BCAS4: variants seen among roughly 807,000 people sequenced by gnomAD.
BCAS4 encodes the protein breast carcinoma amplified sequence 4.
Under a neutral mutation model 15.7 loss-of-function variants are expected in BCAS4, and 9 were observed. The ratio of observed to expected loss-of-function variants is 0.57; its 90% confidence interval spans 0.34 to 1.00. The LOEUF is 1.00. Ranked by LOEUF, BCAS4 falls within the 50% of genes least tolerant of loss-of-function variation. The probability of loss-of-function intolerance (pLI) is 0.02; values close to 1 mark genes in which losing one functional copy is unlikely to be tolerated. For missense variants in BCAS4, 225 were observed against 239.1 expected (o/e 0.94, Z 0.39); for synonymous variants, 101 against 99.5 (o/e 1.02, Z -0.09).
intron 2 of BCAS4, among the ~76,000 whole-genome samples, chr20:50,825,994 T>C (rs2088273715): frequency 6.6e-6 from 1 of 152,226 alleles, no homozygotes; most frequent in African/African-American, 2.4e-5. Context: ...GTCTCCTTTC[T>C]ACCACTTTCT....
chr20:50,854,207 G>C (rs529284722), intron 4 of BCAS4, among the ~76,000 whole-genome samples: 121 of 152,250 alleles, frequency 7.9e-4, no homozygotes, highest in Non-Finnish European at 1.5e-3. Context: ...GTATCTTGGT[G>C]GTGCTGCTGG....
At position 50,819,054 on chromosome 20, in the gene BCAS4, G is replaced by C. The variant is rs537070877; in HGVS notation, c.162+772G>C. On this transcript the variant is annotated intron_variant, in intron 2 of 4. Coordinates refer to ENST00000371608, the MANE Select transcript of BCAS4 (RefSeq NM_198799.4). ...AAAAATTAGCCGGGTGTGGTGGCAG[G>C]CGCCTGTAATCTTAGCTACTCAGGA... Among the ~76,000 whole-genome samples the C allele has an allele frequency of 2.4e-4, 36 of 152,232 alleles. No homozygotes were observed. In the East Asian group the frequency reaches 4.4e-3, roughly 19 times the overall value.
At chr20:50,870,986 C>T (rs1282710394) in intron 4 of BCAS4, among the ~76,000 whole-genome samples, 1 of 152,014 alleles carries the variant, frequency 6.6e-6, no homozygotes, top group Non-Finnish European at 1.5e-5. Flanking sequence ...GCCTGCGGCC[C>T]GGGAGGAGGG....
chr20:50,857,991 T>G (rs1978854790), intron 4 of BCAS4, among the ~76,000 whole-genome samples: 1 of 151,914 alleles, frequency 6.6e-6, no homozygotes, highest in Admixed American at 6.6e-5. Flanking sequence ...TCCATGCCCA[T>G]CCCGTCCCCA....
In BCAS4 at chr20:50,795,149, C is replaced by T. The variant is rs2087837450; in HGVS notation, c.66C>T (p.Phe22=). 6.8e-7 allele frequency: 1 copy of T among 1,464,902 alleles called. No individual in the cohort carries two copies. The highest frequency in any genetic ancestry group is 2.9e-5 in the East Asian group (1 of 34,988). The allele number at this position is 1,464,902 out of a possible 1,614,324, so 90.7% of individuals were successfully genotyped here. A position where few individuals can be genotyped will look rare whatever the true frequency, so the allele number is the denominator to read the frequency against. Residue 22 remains phenylalanine, a synonymous_variant, in exon 1 of 5, where the codon TTC becomes TTT. Coordinates refer to ENST00000371608, the MANE Select transcript of BCAS4 (RefSeq NM_198799.4). ...MRSGARELAL[F]LTPEPGAEAK... ...GCGGGGCGCGCGAGCTCGCGCTCTT[C>T]CTGACCCCCGAGCCTGGGGCCGAGG...
intron 1 of BCAS4, among the ~76,000 whole-genome samples, chr20:50,799,362 T>C (rs137964729): frequency 6.6e-6 from 1 of 152,240 alleles, no homozygotes; most frequent in Non-Finnish European, 1.5e-5. Flanking sequence ...TGAAAGCACT[T>C]GTTGAAGTTT....
chr20:50,837,983 C>CAT (rs2088430515), intron 3 of BCAS4, among the ~76,000 whole-genome samples: 1 of 145,026 alleles, frequency 6.9e-6, no homozygotes, highest in Admixed American at 6.8e-5. Context: ...CACACACACA[C>CAT]GCACACATCT....
intron 2 of BCAS4, among the ~76,000 whole-genome samples, chr20:50,820,987 G>C (rs1172889901): frequency 6.6e-6 from 1 of 152,176 alleles, no homozygotes; most frequent in East Asian, 1.9e-4. Context: ...GAAAAGCAAA[G>C]ATCTGGCCCT....
intron 4 of BCAS4, among the ~76,000 whole-genome samples, chr20:50,869,884 G>A (rs1979548134): frequency 6.6e-6 from 1 of 151,760 alleles, no homozygotes; most frequent in Admixed American, 6.6e-5. Flanking sequence ...AAGTAGCTGG[G>A]ATTACAGGCA....
chr20:50,796,431 TTTTTTC>T (rs1178369864), intron 1 of BCAS4, among the ~76,000 whole-genome samples: 7 of 136,982 alleles, frequency 5.1e-5, no homozygotes, highest in African/African-American at 1.1e-4. Flanking sequence ...GAGTTTTCTC[TTTTTTC>T]TTTTTCTTTT....
chr20:50,812,340 A>G (rs1192862425), intron 1 of BCAS4, among the ~76,000 whole-genome samples: 3 of 151,394 alleles, frequency 2.0e-5, no homozygotes, highest in East Asian at 1.9e-4. Flanking sequence ...TCACCGTGTT[A>G]GCCAGGATGG....
chr20:50,841,846 C>T lies in BCAS4; in HGVS notation c.345C>T (p.Phe115=). 1.2e-6 allele frequency: 2 copies of T among 1,612,060 alleles called. No individual in the cohort carries two copies. Among genetic ancestry groups the T allele is most frequent in the Non-Finnish European group, 1.7e-6 (2 of 1,179,008 alleles). ...AGGCTGAGCGGGACCATGGGGCCTT[C>T]CCTCAGGCCCTGCGGAGGTGGCTGG... The part of the protein sequence containing the change: ...VLQAERDHGA[F]PQALRRWLGS... Residue 115 remains phenylalanine, a synonymous_variant, in exon 4 of 5, where the codon TTC becomes TTT. Transcript: ENST00000371608.
intron 4 of BCAS4, among the ~76,000 whole-genome samples, chr20:50,874,565 GGGAT>G (rs1367545089): frequency 4.7e-4 from 71 of 152,318 alleles, no homozygotes; most frequent in African/African-American, 1.6e-3. Context: ...CATGAGGGCT[GGGAT>G]GGTTGTCTTG....
chr20:50,798,320 A>C (rs186586322), intron 1 of BCAS4, among the ~76,000 whole-genome samples: 50 of 152,140 alleles, frequency 3.3e-4, no homozygotes, highest in East Asian at 2.3e-3. Flanking sequence ...AACAAAAAAA[A>C]CCCAAAAGAA....
At chr20:50,821,365 G>GCTTA (rs1207655791) in intron 2 of BCAS4, among the ~76,000 whole-genome samples, 2 of 152,236 alleles carry the variant, frequency 1.3e-5, no homozygotes, top group Non-Finnish European at 2.9e-5. Flanking sequence ...GGGTGTTTGA[G>GCTTA]CTTACAGCCC....
intron 3 of BCAS4, among the ~76,000 whole-genome samples, chr20:50,834,586 C>T (rs1396841450): frequency 1.3e-5 from 2 of 152,162 alleles, no homozygotes; most frequent in Non-Finnish European, 1.5e-5. Flanking sequence ...TGAGCCACCA[C>T]GTCCAGCAGA....
intron 3 of BCAS4, among the ~76,000 whole-genome samples, chr20:50,833,222 T>C (rs892272587): frequency 1.3e-5 from 2 of 152,078 alleles, no homozygotes; most frequent in African/African-American, 2.4e-5. Context: ...AAGCCAGGTA[T>C]TGGGGGCAAA....
At chr20:50,803,223 C>T (rs2087949419) in intron 1 of BCAS4, among the ~76,000 whole-genome samples, 1 of 152,178 alleles carries the variant, frequency 6.6e-6, no homozygotes, top group Non-Finnish European at 1.5e-5. Flanking sequence ...AGCCCAGTGC[C>T]CATCAGTGCG....
chr20:50,876,252 G>T (rs1283360413), intron 4 of BCAS4, among the ~76,000 whole-genome samples: 1 of 152,196 alleles, frequency 6.6e-6, no homozygotes, highest in Admixed American at 6.5e-5. Flanking sequence ...CGCCTGGGCT[G>T]CCTGGCTCTT....
Sources: allele counts gnomAD v4.1 joint callset (sites outside exome capture counted in the v4.1 genomes callset), GRCh38; gene constraint gnomAD v4.1.1; transcripts MANE v1.5; gene names NCBI Gene and HGNC (gene_info 2026-07-23, HGNC 2026-07-21).